Variants in SMC1B observed in about 807,000 individuals in gnomAD.
The protein encoded by SMC1B is structural maintenance of chromosomes protein 1B.
SMC1B carries 60 observed loss-of-function variants against 157.9 expected under a neutral mutation model. The observed-to-expected ratio is 0.38, with a 90% CI of 0.31 to 0.47. The LOEUF is 0.47. Among genes scored for constraint, SMC1B ranks in the 20% least tolerant of loss-of-function variants. The probability of loss-of-function intolerance (pLI) is 0.99; values close to 1 mark genes in which losing one functional copy is unlikely to be tolerated. For missense variants in SMC1B, 1,165 were observed against 1,426.2 expected (o/e 0.82, Z 2.95); for synonymous variants, 445 against 483.0 (o/e 0.92, Z 1.03).
intron 1 of SMC1B, 30 bp downstream of exon 1, chr22:45,413,429 C>T (rs1424508848): frequency 1.3e-6 from 2 of 1,545,134 alleles, no homozygotes; most frequent in Non-Finnish European, 1.8e-6. Context: ...GGCGGAGGCG[C>T]TCCGGTGGCG....
intron 14 of SMC1B, among the ~76,000 whole-genome samples, chr22:45,370,909 G>A (rs999884407): frequency 1.3e-5 from 2 of 152,200 alleles, no homozygotes; most frequent in Non-Finnish European, 2.9e-5. Flanking sequence ...GTTCCAAATC[G>A]TGGTAAACGT....
chr22:45,348,267 G>A (rs866366732), intron 23 of SMC1B, among the ~76,000 whole-genome samples: 5 of 152,288 alleles, frequency 3.3e-5, no homozygotes, highest in Middle Eastern at 6.8e-3. Flanking sequence ...GAACTGGGAA[G>A]TAGGGCTGGT....
At chr22:45,372,660 C>T (rs1193655678) in intron 12 of SMC1B, among the ~76,000 whole-genome samples, 3 of 151,004 alleles carry the variant, frequency 2.0e-5, no homozygotes, top group South Asian at 2.1e-4. Context: ...CTTTCACTCA[C>T]CTTATTACTC....
At chr22:45,348,687 T>A (rs887147131) in intron 23 of SMC1B, among the ~76,000 whole-genome samples, 4 of 151,656 alleles carry the variant, frequency 2.6e-5, no homozygotes, top group African/African-American at 9.7e-5. Context: ...TCAACTTGTT[T>A]TAGATATTTA....
intron 12 of SMC1B, among the ~76,000 whole-genome samples, chr22:45,374,270 T>C (rs1159969584): frequency 6.6e-6 from 1 of 151,280 alleles, no homozygotes; most frequent in Non-Finnish European, 1.5e-5. Flanking sequence ...TAAGTCACAA[T>C]AAAAAGATTT....
At chr22:45,401,930 C>T (rs1481137066) in intron 5 of SMC1B, among the ~76,000 whole-genome samples, 3 of 152,038 alleles carry the variant, frequency 2.0e-5, no homozygotes, top group Admixed American at 1.3e-4. Flanking sequence ...GTTGCCCAGG[C>T]TGGAGTGTAG....
At chr22:45,357,143 G>T (rs2086678140) in intron 19 of SMC1B, among the ~76,000 whole-genome samples, 1 of 152,148 alleles carries the variant, frequency 6.6e-6, no homozygotes, top group South Asian at 2.1e-4. Context: ...AATGAATTGG[G>T]GTCCAAGTTT....
At chr22:45,364,760 G>A (rs1461260390) in intron 15 of SMC1B, among the ~76,000 whole-genome samples, 1 of 151,296 alleles carries the variant, frequency 6.6e-6, no homozygotes, top group Non-Finnish European at 1.5e-5. Flanking sequence ...CCCCCAACTA[G>A]CTGCTCTTTT....
intron 1 of SMC1B, among the ~76,000 whole-genome samples, chr22:45,410,686 G>C (rs1216574373): frequency 6.6e-6 from 1 of 152,172 alleles, no homozygotes; most frequent in East Asian, 1.9e-4. Flanking sequence ...CTGGGCAAGA[G>C]AGCAAGACTC....
chr22:45,413,262 G>A (rs777562575), intron 1 of SMC1B, among the ~76,000 whole-genome samples, 197 bp downstream of exon 1: 1 of 152,144 alleles, frequency 6.6e-6, no homozygotes, highest in Non-Finnish European at 1.5e-5. Context: ...GGACGGCGAG[G>A]ACCGGGGCTG....
intron 12 of SMC1B, among the ~76,000 whole-genome samples, chr22:45,374,162 G>A (rs2086862204): frequency 7.3e-6 from 1 of 136,310 alleles, no homozygotes; most frequent in African/African-American, 2.7e-5. Context: ...AGAATCTTGT[G>A]TAGTAAATTT....
chr22:45,345,805 C>G (rs756265517), intron 23 of SMC1B, among the ~76,000 whole-genome samples: 7 of 152,160 alleles, frequency 4.6e-5, no homozygotes, highest in Non-Finnish European at 8.8e-5. Context: ...GAATAAAGCT[C>G]CAACTTAAGA....
Position 45,370,934 on chromosome 22 carries a change from A to G in SMC1B, c.2313+537T>C, listed in dbSNP as rs143163928. ...GTGGTAAACGTCAGGCCTAAAAGCAATGGGTGGAATTAATCAATGGGTGGT... is the reference window on the plus strand; with the variant it reads ...GTGGTAAACGTCAGGCCTAAAAGCAGTGGGTGGAATTAATCAATGGGTGGT... On this transcript the variant is annotated intron_variant, in intron 14 of 24. Transcript: ENST00000357450. 2.0e-3 allele frequency among the ~76,000 whole-genome samples: 307 copies of G among 152,330 alleles called. 2 individuals carry two copies. Among genetic ancestry groups the G allele is most frequent in the African/African-American group, 7.0e-3 (289 of 41,574 alleles).
rs201580086 is a variant in SMC1B, at chr22:45,413,550, C to T, written c.18G>A (p.Leu6=). Residue 6 remains leucine, a synonymous_variant, in exon 1 of 25, where the codon CTG becomes CTA. Transcript: ENST00000357450. Reference sequence around the variant, plus strand: ...ACGACTTGAAATTTTCCACAAGCAGCAGCTCCAGGTGGGCCATGGCGCCGC... The same window carrying T: ...ACGACTTGAAATTTTCCACAAGCAGTAGCTCCAGGTGGGCCATGGCGCCGC... MAHLE[L]LLVENFKSWR... The T allele has an allele frequency of 1.3e-4, 211 of 1,609,974 alleles. No individual in the cohort carries two copies. In the African/African-American group the frequency reaches 2.5e-3, roughly 19 times the overall value.
At chr22:45,410,131 C>A (rs2087314745) in intron 1 of SMC1B, among the ~76,000 whole-genome samples, 1 of 152,184 alleles carries the variant, frequency 6.6e-6, no homozygotes, top group Non-Finnish European at 1.5e-5. Flanking sequence ...GACTTTGCCT[C>A]ATATATCCTT....
At chr22:45,409,609 T>TAAATAAATAAA (rs1471181472) in intron 1 of SMC1B, among the ~76,000 whole-genome samples, 60 of 84,304 alleles carry the variant, frequency 7.1e-4, no homozygotes, top group South Asian at 4.8e-3. Flanking sequence ...AATAAATAAA[T>TAAATAAATAAA]AAAAACAAGA....
At chr22:45,387,357 G>A (rs948410499) in intron 10 of SMC1B, among the ~76,000 whole-genome samples, 28 of 152,270 alleles carry the variant, frequency 1.8e-4, no homozygotes, top group African/African-American at 6.7e-4. Flanking sequence ...GGCTGAGGCA[G>A]GAGACTCGCT....
rs763756184 is a variant in SMC1B at position 45,393,643 on chromosome 22, T to G, written c.1536A>C (p.Pro512=). ...TATTCATTCTCATTACCACAGAATCTGGGTACAGTCTTTTAAGGTGTTCCA... is the reference window on the plus strand; with the variant it reads ...TATTCATTCTCATTACCACAGAATCGGGGTACAGTCTTTTAAGGTGTTCCA... ...EVLEHLKRLY[P]DSVFGRLFDL... The change falls in exon 9 of 25, where the codon CCA becomes CCC. Residue 512 remains proline, a synonymous_variant. Coordinates refer to ENST00000357450, the MANE Select transcript of SMC1B (RefSeq NM_148674.5). The G allele has an allele frequency of 6.2e-7, 1 of 1,609,056 alleles. No homozygotes were observed.
chr22:45,347,418 C>T (rs148844287), intron 23 of SMC1B, among the ~76,000 whole-genome samples: 1,536 of 152,220 alleles, frequency 0.01, 20 homozygotes, highest in African/African-American at 0.035. Flanking sequence ...TTCATGCCAT[C>T]AGAAGGTACC....
Sources: allele counts gnomAD v4.1 joint callset (sites outside exome capture counted in the v4.1 genomes callset), GRCh38; gene constraint gnomAD v4.1.1; transcripts MANE v1.5; gene names NCBI Gene and HGNC (gene_info 2026-07-23, HGNC 2026-07-21).